The following ZNF783 variants were observed in gnomAD, a reference collection of about 807,000 sequenced individuals.
ZNF783 encodes protein ZNF783.
In ZNF783, 25 loss-of-function variants were observed where a neutral mutation model predicts 31.3. That is an observed-to-expected ratio of 0.80 (90% confidence interval 0.58 to 1.11). The LOEUF is 1.11. Among genes scored for constraint, ZNF783 ranks in the 50% most tolerant of loss-of-function variants. The pLI, the probability that ZNF783 is intolerant of heterozygous loss-of-function variation, is 0.00. For synonymous variants in ZNF783, 369 were observed against 319.1 expected, an observed-to-expected ratio of 1.16 and a Z score of -1.66; for missense variants, 797 against 760.0, an observed-to-expected ratio of 1.05 and a Z score of -0.57.
At chr7:149,277,287 G>T (rs1797355253) in intron 4 of ZNF783, 1 of 152,202 alleles carries the variant, frequency 6.6e-6, no homozygotes, top group African/African-American at 2.4e-5. Flanking sequence ...GTTCCCTTCT[G>T]ATCTGATGCC....
intron 4 of ZNF783, among the ~76,000 whole-genome samples, chr7:149,272,665 A>G (rs1797234111): frequency 1.3e-5 from 2 of 152,142 alleles, no homozygotes; most frequent in Admixed American, 6.6e-5. Flanking sequence ...TGATACAGGC[A>G]TACAATGTGT....
chr7:149,279,632 G>GTTTTTTTTTTTTTTTTTTTTT (rs764203926), intron 5 of ZNF783, among the ~76,000 whole-genome samples: 10 of 100,336 alleles, frequency 1.0e-4, no homozygotes, highest in Non-Finnish European at 1.4e-4. Context: ...TTTTATCTTT[G>GTTTTTTTTTTTTTTTTTTTTT]TTTTTTTTTT....
chr7:149,282,565 G>A lies in ZNF783; in HGVS notation c.*222G>A. On this transcript the variant is annotated 3_prime_UTR_variant, in exon 6 of 6. Transcript: ENST00000434415. ...TCCTGACTTCTAAAAGATGCCTTAA[G>A]GCTTAAGGGATGCCATATTTTTGAT... 4 of 507,526 alleles carry A rather than the reference G, an allele frequency of 7.9e-6. No homozygotes were observed. The highest frequency in any genetic ancestry group is 1.4e-5 in the Non-Finnish European group (4 of 293,902). The allele number at this position is 507,526 out of a possible 1,614,324, so 31.4% of individuals were successfully genotyped here. A position where few individuals can be genotyped will look rare whatever the true frequency, so the allele number is the denominator to read the frequency against.
rs926024680 is a variant in ZNF783 at position 149,283,918 on chromosome 7, T to C, written c.*1575T>C. ...TCCCTCAGGAAGGACCTTTATCTTC[T>C]GGAGTGAGTGGCAGTTCCACTGGGT... On this transcript the variant is annotated 3_prime_UTR_variant, in exon 6 of 6. Transcript: ENST00000434415. 4 of 152,250 alleles carry C rather than the reference T, an allele frequency of 2.6e-5. No homozygotes were observed. The highest frequency in any genetic ancestry group is 9.6e-5 in the African/African-American group (4 of 41,462). The allele number at this position is 152,250 out of a possible 1,614,324, so 9.4% of individuals were successfully genotyped here.
intron 4 of ZNF783, among the ~76,000 whole-genome samples, chr7:149,267,497 C>A (rs539678451): frequency 3.7e-4 from 56 of 152,318 alleles, no homozygotes; most frequent in Admixed American, 1.5e-3. Flanking sequence ...ATACTGATCA[C>A]TTTATAATAG....
At position 149,282,216 on chromosome 7, in the gene ZNF783, G is replaced by A. The variant is rs747611820; in HGVS notation, c.1514G>A (p.Arg505His). The stretch of plus-strand genomic sequence containing the variant: ...CCCCAGTGTGGCCGGACCTTCAACC[G>A]CAACCACCACCTGGCCGTGCACATG... ...QCPQCGRTFNRNHHLAVHMQT... is the reference protein window; with the variant it reads ...QCPQCGRTFNHNHHLAVHMQT... The change falls in exon 6 of 6, where the codon CGC (arginine) becomes CAC (histidine). Residue 505 changes from arginine to histidine, a missense_variant. Physicochemically the swap from Arg to His is conservative, Grantham distance 29 (BLOSUM62 0). Transcript: ENST00000434415. 4.4e-6 allele frequency: 7 copies of A among 1,598,822 alleles called. No homozygotes were observed. Among genetic ancestry groups the A allele is most frequent in the South Asian group, 2.2e-5 (2 of 91,046 alleles).
At position 149,281,554 on chromosome 7, in the gene ZNF783, G is replaced by C. The variant is rs61729468; in HGVS notation, c.852G>C (p.Thr284=). ...AGGCACAGTCTGAAGACGAGATGAC[G>C]CCTGAGCGGCTCTTTCTGGGGGTGT... ...KTEAQSEDEM[T]PERLFLGVSR... Residue 284 remains threonine, a synonymous_variant, in exon 6 of 6, where the codon ACG becomes ACC. Coordinates refer to ENST00000434415, the MANE Select transcript of ZNF783 (RefSeq NM_001195220.2). The C allele has an allele frequency of 3.4e-6, 5 of 1,486,124 alleles. No homozygotes were observed. In the African/African-American group the frequency reaches 4.4e-5, roughly 13 times the overall value. The allele number at this position is 1,486,124 out of a possible 1,614,324, so 92.1% of individuals were successfully genotyped here.
intron 4 of ZNF783, 97 bp from the exon 5 acceptor site, chr7:149,278,302 A>T: frequency 6.5e-7 from 1 of 1,545,276 alleles, no homozygotes. Flanking sequence ...CTGAGGCCCC[A>T]GGATCGCAGT....
At chr7:149,277,282 C>A (rs1190870756) in intron 4 of ZNF783, 1 of 152,226 alleles carries the variant, frequency 6.6e-6, no homozygotes, top group Non-Finnish European at 1.5e-5. Flanking sequence ...TGTCTGTTCC[C>A]TTCTGATCTG....
chr7:149,271,000 T>G (rs1321245354), intron 4 of ZNF783, among the ~76,000 whole-genome samples: 1 of 152,200 alleles, frequency 6.6e-6, no homozygotes, highest in Non-Finnish European at 1.5e-5. Flanking sequence ...CAGGCTGGAG[T>G]GCGAGCTCAC....
chr7:149,262,445 C>A, intron 1 of ZNF783, 88 bp downstream of exon 1: 2 of 1,097,356 alleles, frequency 1.8e-6, no homozygotes, highest in Non-Finnish European at 2.3e-6. Context: ...CGCGAGGCCG[C>A]GGGGTGAGAG....
At chr7:149,278,296 G>C in intron 4 of ZNF783, 103 bp from the exon 5 acceptor site, 1 of 1,533,068 alleles carries the variant, frequency 6.5e-7, no homozygotes, top group Non-Finnish European at 8.7e-7. Flanking sequence ...CTGGAGCTGA[G>C]GCCCCAGGAT....
At chr7:149,269,289 A>G (rs1347897853) in intron 4 of ZNF783, among the ~76,000 whole-genome samples, 3 of 151,946 alleles carry the variant, frequency 2.0e-5, no homozygotes, top group Non-Finnish European at 4.4e-5. Context: ...TTGCTTGTTG[A>G]TTTAAGTTCC....
At chr7:149,278,251 A>G in intron 4 of ZNF783, 148 bp from the exon 5 acceptor site, 1 of 1,431,212 alleles carries the variant, frequency 7.0e-7, no homozygotes, top group Admixed American at 2.6e-5. Flanking sequence ...GCTGCCAGGT[A>G]TTTGGTGGGG....
In ZNF783 at chr7:149,276,248, G is replaced by C. The variant is rs536855299; in HGVS notation, c.674-2151G>C. 2.3e-4 allele frequency: 162 copies of C among 719,950 alleles called. No homozygotes were observed. The African/African-American group carries it at 2.9e-3, about 13-fold the overall frequency. 44.6% of individuals were successfully genotyped at this position (719,950 alleles called of 1,614,324 possible). On this transcript the variant is annotated intron_variant, in intron 4 of 5. Coordinates refer to ENST00000434415, the MANE Select transcript of ZNF783 (RefSeq NM_001195220.2). ...CAGGATTCATATTTTCACTTAGACT[G>C]TTCTGTTTCTCATTCTTTTTTGAGG...
intron 1 of ZNF783, among the ~76,000 whole-genome samples, chr7:149,265,557 G>T (rs929984629): frequency 1.3e-5 from 2 of 152,132 alleles, no homozygotes; most frequent in Non-Finnish European, 2.9e-5. Flanking sequence ...TTACAAGGGC[G>T]CTAATCCTAT....
intron 4 of ZNF783, among the ~76,000 whole-genome samples, chr7:149,267,806 A>G (rs1315013910): frequency 6.6e-6 from 1 of 152,032 alleles, no homozygotes; most frequent in Non-Finnish European, 1.5e-5. Context: ...AAAAAAAAAA[A>G]TAATGGGGAC....
chr7:149,278,500 A>G lies in ZNF783; in HGVS notation c.775A>G (p.Arg259Gly). The G allele has an allele frequency of 6.3e-7, 1 of 1,599,276 alleles. No homozygotes were observed. Among genetic ancestry groups the G allele is most frequent in the Non-Finnish European group, 8.5e-7 (1 of 1,179,740 alleles). ...CAAGCAGCAGCAGGACTCAGAGGCG[A>G]GAGTGGCCCCAGCCGGGCCAGAAGC... is the stretch of plus-strand genomic sequence containing the variant. ...APKQQQDSEA[R>G]VAPAGPEAGG... Residue 259 changes from arginine to glycine, a missense_variant, in exon 5 of 6, where the codon AGA becomes GGA. Arg to Gly is a moderately radical substitution (Grantham distance 125). Coordinates refer to ENST00000434415, the MANE Select transcript of ZNF783 (RefSeq NM_001195220.2).
In ZNF783 at chr7:149,264,972, G is replaced by GGCTGGAAGTGGGGGAGAAA. The variant is rs2129524719; in HGVS notation, c.25-1345_25-1344insAGCTGGAAGTGGGGGAGAA. Among the ~76,000 whole-genome samples, 6 of 151,526 alleles carry GGCTGGAAGTGGGGGAGAAA rather than the reference G, an allele frequency of 4.0e-5. No individual in the cohort carries two copies. In the South Asian group the frequency reaches 6.3e-4, roughly 16 times the overall value. Reference sequence around the variant, plus strand: ...GGAGAAGGCTGGAAGTGGGGGAGAAGGCTGGAAGTGGGGGAGAAGGCTGGA... The same window carrying GGCTGGAAGTGGGGGAGAAA: ...GGAGAAGGCTGGAAGTGGGGGAGAAGGCTGGAAGTGGGGGAGAAAGCTGGAAGTGGGGGAGAAGGCTGGA... On this transcript the variant is annotated intron_variant, in intron 1 of 5. Coordinates refer to ENST00000434415, the MANE Select transcript of ZNF783 (RefSeq NM_001195220.2).
Sources: gnomAD v4.1 joint callset for allele counts (sites outside exome capture counted in the v4.1 genomes callset) on GRCh38, gnomAD v4.1.1 for gene constraint, MANE v1.5 for transcripts, NCBI Gene and HGNC (gene_info 2026-07-23, HGNC 2026-07-21) for gene names.